The following TCF4 variants were observed in gnomAD, a reference collection of about 807,000 sequenced individuals.
TCF4 encodes SL3-3 enhancer factor 2.
Under a neutral mutation model 82.1 loss-of-function variants are expected in TCF4, and 3 were observed. The ratio of observed to expected loss-of-function variants is 0.04; its 90% CI spans 0.02 to 0.09. The LOEUF is 0.09. Among genes scored for constraint, TCF4 ranks in the 10% least tolerant of loss-of-function variants. TCF4 has a pLI of 1.00. For missense variants in TCF4, 518 were observed against 852.7 expected (o/e 0.61, Z 4.89); for synonymous variants, 276 against 309.6 (o/e 0.89, Z 1.14).
At chr18:55,265,574 T>A (rs2145844159) in intron 11 of TCF4, 1 of 152,342 alleles carries the variant, frequency 6.6e-6, no homozygotes, top group East Asian at 1.9e-4. Context: ...TAAGATGCCT[T>A]CACATTGCTG....
At chr18:55,425,968 G>C (rs1030735857) in intron 5 of TCF4, among the ~76,000 whole-genome samples, 1 of 152,032 alleles carries the variant, frequency 6.6e-6, no homozygotes, top group South Asian at 2.1e-4. Context: ...CTTTATTCTT[G>C]GAGATTTGTT....
intron 3 of TCF4, among the ~76,000 whole-genome samples, chr18:55,534,262 ATGC>A (rs2097095851): frequency 6.6e-6 from 1 of 152,232 alleles, no homozygotes; most frequent in Non-Finnish European, 1.5e-5. Flanking sequence ...TCAACCTGTA[ATGC>A]TTAAGACTGG....
At chr18:55,240,109 T>C (rs1169640235) in intron 15 of TCF4, among the ~76,000 whole-genome samples, 1 of 152,202 alleles carries the variant, frequency 6.6e-6, no homozygotes, top group Non-Finnish European at 1.5e-5. Flanking sequence ...CAAGTGATAA[T>C]GACACAAAAC....
intron 3 of TCF4, among the ~76,000 whole-genome samples, chr18:55,568,934 C>T (rs1157893320): frequency 1.3e-5 from 2 of 151,934 alleles, no homozygotes; most frequent in Non-Finnish European, 2.9e-5. Context: ...GGTGGCTTAC[C>T]ACAGGAAAAT....
chr18:55,588,536 C>A (rs577101435), upstream of TCF4: 23 of 1,530,818 alleles, frequency 1.5e-5, no homozygotes, highest in East Asian at 3.7e-4. Context: ...CCCGTTGCAT[C>A]CCTCGGAGGC....
intron 6 of TCF4, among the ~76,000 whole-genome samples, chr18:55,398,217 ATACCC>A (rs1263849980): frequency 6.6e-6 from 1 of 152,164 alleles, no homozygotes; most frequent in Non-Finnish European, 1.5e-5. Context: ...AGAAGGGTAT[ATACCC>A]ATAACAATCC....
chr18:55,561,873 G>A (rs1199853256), intron 3 of TCF4, among the ~76,000 whole-genome samples: 1 of 152,156 alleles, frequency 6.6e-6, no homozygotes, highest in East Asian at 1.9e-4. Context: ...TAAAAAATTA[G>A]TGAATGAAAA....
At chr18:55,484,808 G>A (rs1183884719) in intron 3 of TCF4, among the ~76,000 whole-genome samples, 1 of 152,190 alleles carries the variant, frequency 6.6e-6, no homozygotes, top group African/African-American at 2.4e-5. Context: ...GACACTGTTA[G>A]TTCTGTTGGT....
In TCF4 at chr18:55,362,061, T is replaced by G. The variant is rs990490593; in HGVS notation, c.370-11058A>C. Among the ~76,000 whole-genome samples the G allele has an allele frequency of 2.6e-5, 4 of 152,292 alleles. No individual in the cohort carries two copies. In the East Asian group the frequency reaches 5.8e-4, roughly 22 times the overall value. ...GAAATTCTCAATAATCAACTCATGC[T>G]TTTCCTGAAATCACATGCTTGGAGC... On this transcript the variant is annotated intron_variant, in intron 6 of 19. Transcript: ENST00000354452.
intron 15 of TCF4, among the ~76,000 whole-genome samples, chr18:55,236,022 T>C (rs2049259825): frequency 6.6e-6 from 1 of 152,122 alleles, no homozygotes; most frequent in Non-Finnish European, 1.5e-5. Flanking sequence ...TGAAAATATA[T>C]TTAAGTAATT....
chr18:55,361,395 C>A (rs1222566418), intron 6 of TCF4, among the ~76,000 whole-genome samples: 2 of 152,216 alleles, frequency 1.3e-5, no homozygotes, highest in Non-Finnish European at 2.9e-5. Context: ...AGACAGTCCT[C>A]ATCTGTCTCT....
chr18:55,398,497 C>T (rs1016799969), intron 6 of TCF4, among the ~76,000 whole-genome samples: 6 of 152,180 alleles, frequency 3.9e-5, no homozygotes, highest in African/African-American at 1.4e-4. Context: ...GTGAAGTCAC[C>T]AGGTGAATGA....
At chr18:55,335,154 C>A (rs944091335) in intron 8 of TCF4, among the ~76,000 whole-genome samples, 1 of 152,120 alleles carries the variant, frequency 6.6e-6, no homozygotes, top group Non-Finnish European at 1.5e-5. Flanking sequence ...TTTATCCCGT[C>A]GTGTGTAGAT....
intron 5 of TCF4, among the ~76,000 whole-genome samples, chr18:55,413,177 T>TA (rs2094415561): frequency 6.6e-6 from 1 of 152,118 alleles, no homozygotes; most frequent in African/African-American, 2.4e-5. Flanking sequence ...GTATAATACA[T>TA]ACATAAACAC....
At chr18:55,249,465 G>T (rs2054331416) in intron 15 of TCF4, among the ~76,000 whole-genome samples, 1 of 152,140 alleles carries the variant, frequency 6.6e-6, no homozygotes, top group Admixed American at 6.5e-5. Flanking sequence ...TGTGGGGTGA[G>T]TTGCACATGA....
chr18:55,424,047 C>G (rs1036099884), intron 5 of TCF4, among the ~76,000 whole-genome samples: 7 of 152,114 alleles, frequency 4.6e-5, no homozygotes, highest in Non-Finnish European at 2.9e-5. Context: ...ACCATCATTA[C>G]GCTCATTAAT....
chr18:55,357,076 T>C (rs1333815369), intron 6 of TCF4, among the ~76,000 whole-genome samples: 1 of 152,190 alleles, frequency 6.6e-6, no homozygotes, highest in East Asian at 1.9e-4. Flanking sequence ...AAATTACAAC[T>C]GCCCAAGGGT....
In TCF4 at chr18:55,276,795, T is replaced by C. The variant is rs141608346; in HGVS notation, c.656-1043A>G. Among the ~76,000 whole-genome samples the C allele has an allele frequency of 2.4e-3, 358 of 152,308 alleles. 2 individuals are homozygous for C. The highest frequency in any genetic ancestry group is 8.0e-3 in the African/African-American group (331 of 41,572). ...ATTATTTTCACCATAACATTTTATA[T>C]AGTAAAGGCCTATTAAAAAGTTAGG... On this transcript the variant is annotated intron_variant, in intron 9 of 19. Coordinates refer to ENST00000354452, the MANE Select transcript of TCF4 (RefSeq NM_001083962.2).
intron 14 of TCF4, among the ~76,000 whole-genome samples, chr18:55,255,635 C>T (rs2056611309): frequency 6.6e-6 from 1 of 151,878 alleles, no homozygotes; most frequent in African/African-American, 2.4e-5. Context: ...TAAAATATAC[C>T]ATCTCATTGA....
Sources: gnomAD v4.1 joint callset for allele counts (sites outside exome capture counted in the v4.1 genomes callset) on GRCh38, gnomAD v4.1.1 for gene constraint, MANE v1.5 for transcripts, NCBI Gene and HGNC (gene_info 2026-07-23, HGNC 2026-07-21) for gene names.